Variants in ADAM12 observed in about 807,000 individuals in gnomAD.
The protein encoded by ADAM12 is ADAM metallopeptidase domain 12, also known as disintegrin and metalloproteinase domain-containing protein 12.
A neutral mutation model predicts 106.4 loss-of-function variants in ADAM12; 70 were observed. The ratio of observed to expected loss-of-function variants is 0.66; its 90% CI spans 0.54 to 0.80. The LOEUF is 0.80. Ranked by LOEUF, ADAM12 falls within the 30% of genes least tolerant of loss-of-function variation. The pLI, the probability that ADAM12 is intolerant of heterozygous loss-of-function variation, is 0.00. For missense variants in ADAM12, 1,010 were observed against 1,171.9 expected (o/e 0.86, Z 2.02); for synonymous variants, 420 against 433.5 (o/e 0.97, Z 0.39).
rs1488626656 is a variant in ADAM12, at chr10:126,049,150, G to C, written c.1917+103C>G. Reference sequence around the variant, plus strand: ...TTCTAGGTGCATCTGAGAAGAAGTAGATTTAGGAAAACCAACAAACCTTGT... The same window carrying C: ...TTCTAGGTGCATCTGAGAAGAAGTACATTTAGGAAAACCAACAAACCTTGT... On this transcript the variant is annotated intron_variant, in intron 16 of 22. Coordinates refer to ENST00000448723, the MANE Select transcript of ADAM12 (RefSeq NM_001288973.2). The surrounding 1 kb of genome is among the most constrained non-coding windows in gnomAD (Gnocchi z 4.4). 2.8e-6 allele frequency: 4 copies of C among 1,451,880 alleles called. No individual in the cohort carries two copies. Among genetic ancestry groups the C allele is most frequent in the Non-Finnish European group, 3.8e-6 (4 of 1,052,236 alleles). The allele number at this position is 1,451,880 out of a possible 1,614,324, so 89.9% of individuals were successfully genotyped here. A position where few individuals can be genotyped will look rare whatever the true frequency, so the allele number is the denominator to read the frequency against.
At position 126,064,939 on chromosome 10, in the gene ADAM12, G is replaced by A. The variant is rs764193107; in HGVS notation, c.1476C>T (p.Cys492=). 1.9e-6 allele frequency: 3 copies of A among 1,613,032 alleles called. No homozygotes were observed. The highest frequency in any genetic ancestry group is 1.7e-5 in the Admixed American group (1 of 59,912). ...CTGGGCAGTGAGGGCTGGCCCCTGTGCAGAACTCTGGGAGGTCACAGGAGT... is the reference window on the plus strand; with the variant it reads ...CTGGGCAGTGAGGGCTGGCCCCTGTACAGAACTCTGGGAGGTCACAGGAGT... ...SSNSCDLPEF[C]TGASPHCPAN... The change falls in exon 14 of 23, where the codon TGC becomes TGT. Residue 492 remains cysteine (C), a synonymous_variant. Coordinates refer to ENST00000448723, the MANE Select transcript of ADAM12 (RefSeq NM_001288973.2). The surrounding 1 kb of genome is among the most constrained non-coding windows in gnomAD (Gnocchi z 4.4).
At position 126,277,919 on chromosome 10, in the gene ADAM12, T is replaced by C. The variant is rs1011296432; in HGVS notation, c.260+996A>G. On this transcript the variant is annotated intron_variant, in intron 3 of 22. Transcript: ENST00000448723. ...CTGTTGATTGACTGTCTTTCGTCTG[T>C]CTTGCTTAAAATGCTCAAATCAAAG... Among the ~76,000 whole-genome samples, 33 of 152,214 alleles carry C rather than the reference T, an allele frequency of 2.2e-4. 1 individual carries two copies. Among genetic ancestry groups the C allele is most frequent in the Non-Finnish European group, 4.0e-4 (27 of 68,040 alleles).
intron 3 of ADAM12, among the ~76,000 whole-genome samples, chr10:126,263,149 C>T (rs1959033590): frequency 6.6e-6 from 1 of 152,176 alleles, no homozygotes; most frequent in Non-Finnish European, 1.5e-5. Context: ...ACATGCCCTG[C>T]ATGATTCCTC....
At chr10:126,363,188 T>A (rs369489552) in intron 1 of ADAM12, among the ~76,000 whole-genome samples, 1 of 152,298 alleles carries the variant, frequency 6.6e-6, no homozygotes, top group African/African-American at 2.4e-5. Context: ...AATAAATGAT[T>A]TTCTAGGAAA....
intron 3 of ADAM12, among the ~76,000 whole-genome samples, chr10:126,190,160 C>T (rs770468003): frequency 9.9e-5 from 15 of 151,736 alleles, no homozygotes; most frequent in African/African-American, 1.7e-4. Context: ...AGGGGACTAG[C>T]GTGTAGCGTG....
intron 11 of ADAM12, 32 bp from the exon 12 acceptor site, chr10:126,071,686 C>A: frequency 1.2e-6 from 2 of 1,609,946 alleles, no homozygotes; most frequent in Non-Finnish European, 1.7e-6. Flanking sequence ...CAGTAAGTCA[C>A]AGGGCATGGA....
chr10:126,202,630 G>C (rs201629249), intron 3 of ADAM12, among the ~76,000 whole-genome samples: 1 of 152,018 alleles, frequency 6.6e-6, no homozygotes, highest in Admixed American at 6.6e-5. Context: ...AGATGACAAC[G>C]AAAGTAAAAT....
intron 5 of ADAM12, among the ~76,000 whole-genome samples, chr10:126,122,224 C>T (rs1182356745): frequency 6.6e-6 from 1 of 152,152 alleles, no homozygotes; most frequent in Non-Finnish European, 1.5e-5. Context: ...TCTAAGTCAT[C>T]CAAAGTCCAG....
chr10:126,301,159 A>C (rs1045025961), intron 2 of ADAM12, among the ~76,000 whole-genome samples: 1 of 152,182 alleles, frequency 6.6e-6, no homozygotes, highest in South Asian at 2.1e-4. Context: ...CCCTCTCCCC[A>C]GCACAGAATA....
chr10:126,092,997 C>A (rs2133560786), intron 11 of ADAM12, among the ~76,000 whole-genome samples: 1 of 152,342 alleles, frequency 6.6e-6, no homozygotes, highest in East Asian at 1.9e-4. Flanking sequence ...TCCCCTCACA[C>A]CACGCTTGTC....
intron 3 of ADAM12, among the ~76,000 whole-genome samples, chr10:126,231,769 C>T (rs1183589885): frequency 6.6e-6 from 1 of 152,182 alleles, no homozygotes; most frequent in African/African-American, 2.4e-5. Flanking sequence ...CTGTTGGCGC[C>T]TCCTCCTCTT....
At chr10:126,098,291 T>C in intron 10 of ADAM12, 125 bp downstream of exon 10, 4 of 794,318 alleles carry the variant, frequency 5.0e-6, no homozygotes, top group Non-Finnish European at 2.1e-6. Context: ...ACAGCTACAG[T>C]AAAAATAGAG....
rs756354910 is a variant in ADAM12 at position 126,064,837 on chromosome 10, G to A, written c.1578C>T (p.His526=). The change falls in exon 14 of 23, where the codon CAC becomes CAT. Residue 526 remains histidine (H), a synonymous_variant. Transcript: ENST00000448723. This position sits in a 1 kb window ranked among gnomAD's most constrained non-coding sequence, Gnocchi z 4.4. ...GYCYNGICQT[H]EQQCVTLWGP... is the part of the protein sequence containing the mutation. ...CCCAGAGCGTGACACACTGCTGCTC[G>A]TGAGTCTGGCAGATGCCATTGTAGC... 17 of 1,610,732 alleles carry A rather than the reference G, an allele frequency of 1.1e-5. No homozygotes were observed. In the East Asian group the frequency reaches 1.1e-4, roughly 11 times the overall value.
At chr10:126,123,383 T>C (rs1253174774) in intron 5 of ADAM12, among the ~76,000 whole-genome samples, 2 of 152,234 alleles carry the variant, frequency 1.3e-5, no homozygotes, top group Admixed American at 6.5e-5. Flanking sequence ...GTGGGGTTCT[T>C]TCTCCCTAGG....
In ADAM12 at chr10:126,388,120, G is replaced by T. The variant is rs759155425; in HGVS notation, c.26C>A (p.Ser9Tyr). 5.7e-6 allele frequency: 7 copies of T among 1,222,602 alleles called. No individual in the cohort carries two copies. The highest frequency in any genetic ancestry group is 1.6e-5 in the African/African-American group (1 of 64,008). The allele number at this position is 1,222,602 out of a possible 1,614,324, so 75.7% of individuals were successfully genotyped here. MAARPLPV[S>Y]PARALLLALA... ...GGCGAGCAGGAGGGCGCGGGCGGGG[G>T]ACACGGGCAGCGGGCGCGCTGCCAT... The change falls in exon 1 of 23, where the codon TCC becomes TAC. Residue 9 changes from serine (S) to tyrosine (Y), a missense_variant. Transcript: ENST00000448723. The surrounding 1 kb of genome is among the most constrained non-coding windows in gnomAD (Gnocchi z 4.4).
rs1376410270 is a variant in ADAM12, at chr10:126,071,505, CCTT to C, written c.1292_1294del (p.Glu431del). The C allele has an allele frequency of 2.5e-6, 4 of 1,614,034 alleles. No individual in the cohort carries two copies. The African/African-American group carries it at 4.0e-5, about 16-fold the overall frequency. Reference sequence around the variant, plus strand: ...TGGCTCCCCACAGTCACACTCCTCTCCTTCTTCCACAAATCTGTTCCCACACTT... The same window carrying C: ...TGGCTCCCCACAGTCACACTCCTCTCCTTCCACAAATCTGTTCCCACACTT... On this transcript the variant is annotated inframe_deletion, in exon 12 of 23. Transcript: ENST00000448723.
Position 126,202,760 on chromosome 10 carries a change from G to A in ADAM12, c.261-47455C>T, listed in dbSNP as rs1285610257. 2.6e-5 allele frequency among the ~76,000 whole-genome samples: 4 copies of A among 152,262 alleles called. No individual in the cohort carries two copies. The South Asian group carries it at 6.2e-4, about 24-fold the overall frequency. On this transcript the variant is annotated intron_variant, in intron 3 of 22. Coordinates refer to ENST00000448723, the MANE Select transcript of ADAM12 (RefSeq NM_001288973.2). The stretch of plus-strand genomic sequence containing the variant: ...TCAACAGAATTCTCATAATCTCTGA[G>A]TGTCTACAGAACTCAAGTGGCTTCA...
intron 3 of ADAM12, among the ~76,000 whole-genome samples, chr10:126,208,581 T>C (rs193127592): frequency 1.5e-4 from 23 of 152,338 alleles, no homozygotes. Context: ...AGGATTTATC[T>C]TTACTTTTCA....
chr10:126,259,442 G>A (rs1248958632), intron 3 of ADAM12, among the ~76,000 whole-genome samples: 1 of 152,250 alleles, frequency 6.6e-6, no homozygotes, highest in East Asian at 1.9e-4. Flanking sequence ...TTTTTGCAAA[G>A]TTTGTTTACT....
Sources: gnomAD v4.1 joint callset for allele counts (sites outside exome capture counted in the v4.1 genomes callset) on GRCh38, gnomAD v4.1.1 for gene constraint, Gnocchi (gnomAD v3.1) non-coding constraint, MANE v1.5 for transcripts, NCBI Gene and HGNC (gene_info 2026-07-23, HGNC 2026-07-21) for gene names.